Variants in ARHGAP29 observed in about 807,000 individuals in gnomAD.
ARHGAP29 encodes the protein rho GTPase-activating protein 29.
ARHGAP29 carries 43 observed loss-of-function variants against 122.6 expected under a neutral mutation model. The observed-to-expected ratio is 0.35, with a 90% CI of 0.27 to 0.45. ARHGAP29 has a LOEUF of 0.45. Among genes scored for constraint, ARHGAP29 ranks in the 20% least tolerant of loss-of-function variants. The probability of loss-of-function intolerance (pLI) is 1.00; values close to 1 mark genes in which losing one functional copy is unlikely to be tolerated. For missense variants in ARHGAP29, 1,303 were observed against 1,477.2 expected (o/e 0.88, Z 1.93); for synonymous variants, 506 against 497.1 (o/e 1.02, Z -0.24).
upstream of ARHGAP29, among the ~76,000 whole-genome samples, chr1:94,238,048 T>A (rs976109201): frequency 1.4e-5 from 2 of 146,604 alleles, no homozygotes; most frequent in East Asian, 2.0e-4. Context: ...CTTAGGCCTA[T>A]CTGTATTTTT....
Position 94,169,498 on chromosome 1 carries a change from G to T in ARHGAP29, c.*4371C>A, listed in dbSNP as rs1436055198. ...AGTCAGGTTTCTATGAGAGAAGGAA[G>T]TTACAAAGATGGAAAGGGAGACTAG... On this transcript the variant is annotated 3_prime_UTR_variant, in exon 23 of 23. Transcript: ENST00000260526. Among the ~76,000 whole-genome samples the T allele has an allele frequency of 6.6e-6, 1 of 152,092 alleles. No individual in the cohort carries two copies.
intron 6 of ARHGAP29, 71 bp downstream of exon 6, chr1:94,205,564 A>G: frequency 7.2e-7 from 1 of 1,386,688 alleles, no homozygotes; most frequent in South Asian, 1.2e-5. Context: ...GCAAGAAGAG[A>G]TTAATCCAGG....
chr1:94,189,439 ATTAAT>A (rs1269255618), intron 13 of ARHGAP29, 87 bp from the exon 14 acceptor site: 53 of 1,379,768 alleles, frequency 3.8e-5, no homozygotes, highest in Admixed American at 2.8e-4. Context: ...AGAAAAATCT[ATTAAT>A]TTAACAATCA....
intron 2 of ARHGAP29, among the ~76,000 whole-genome samples, chr1:94,227,696 G>C (rs1024968367): frequency 1.3e-5 from 2 of 151,678 alleles, no homozygotes; most frequent in African/African-American, 4.8e-5. Flanking sequence ...TGTCACAATG[G>C]CAGACTTTAA....
chr1:94,256,123 A>G (rs1654337150), intron 1 of ARHGAP29, among the ~76,000 whole-genome samples: 1 of 152,190 alleles, frequency 6.6e-6, no homozygotes, highest in East Asian at 1.9e-4. Flanking sequence ...TTACACTACA[A>G]GTTAATAGAA....
the ARHGAP29 span, among the ~76,000 whole-genome samples, chr1:94,283,315 G>C: frequency 5.3e-5 from 8 of 152,082 alleles, no homozygotes; most frequent in Admixed American, 3.9e-4. Flanking sequence ...GGGGTAACCT[G>C]GTTACCATGC....
chr1:94,181,846 A>C (rs1367135057), intron 19 of ARHGAP29, among the ~76,000 whole-genome samples: 1 of 152,254 alleles, frequency 6.6e-6, no homozygotes, highest in East Asian at 1.9e-4. Context: ...TGGCTGGTCT[A>C]AACTGAGATG....
At chr1:94,187,772 G>T (rs1311347100) in intron 15 of ARHGAP29, among the ~76,000 whole-genome samples, 1 of 152,106 alleles carries the variant, frequency 6.6e-6, no homozygotes, top group African/African-American at 2.4e-5. Context: ...GAGCTACCTA[G>T]AACCAGTTTG....
chr1:94,279,210 G>A (rs1368843863), upstream of ARHGAP29, among the ~76,000 whole-genome samples: 1 of 152,170 alleles, frequency 6.6e-6, no homozygotes, highest in Non-Finnish European at 1.5e-5. Context: ...CCTCCAGATG[G>A]TTAATCTCCA....
At chr1:94,218,430 T>A (rs1338956676) in intron 3 of ARHGAP29, among the ~76,000 whole-genome samples, 1 of 152,230 alleles carries the variant, frequency 6.6e-6, no homozygotes, top group Non-Finnish European at 1.5e-5. Context: ...CTTCAAGGTA[T>A]CTGAGAGAGC....
the ARHGAP29 span, among the ~76,000 whole-genome samples, chr1:94,281,070 A>G: frequency 1.3e-5 from 2 of 152,144 alleles, no homozygotes; most frequent in Non-Finnish European, 2.9e-5. Flanking sequence ...ATAAGTGACA[A>G]CTGTGTTCTG....
At chr1:94,257,301 C>A (rs1164095481) in intron 1 of ARHGAP29, among the ~76,000 whole-genome samples, 1 of 152,064 alleles carries the variant, frequency 6.6e-6, no homozygotes, top group African/African-American at 2.4e-5. Context: ...ACCCGGGAGG[C>A]TGAGGCAGGA....
intron 1 of ARHGAP29, among the ~76,000 whole-genome samples, chr1:94,258,162 A>G (rs1654431906): frequency 6.6e-6 from 1 of 152,188 alleles, no homozygotes; most frequent in African/African-American, 2.4e-5. Context: ...TAACATGACC[A>G]TTCCTAATTT....
rs114512647 is a variant in ARHGAP29, at chr1:94,172,792, T to C, written c.*1077A>G. 5.1e-3 allele frequency: 776 copies of C among 152,616 alleles called. 10 individuals carry two copies. Among genetic ancestry groups the C allele is most frequent in the African/African-American group, 0.018 (747 of 41,546 alleles). The allele number at this position is 152,616 out of a possible 1,614,324, so 9.5% of individuals were successfully genotyped here. ...TACTAGTCCTAAAAACTGGACCTTT[T>C]ATAAATGAAACAGATCCGATCACCT... On this transcript the variant is annotated 3_prime_UTR_variant, in exon 23 of 23. Transcript: ENST00000260526.
chr1:94,311,453 G>A, the ARHGAP29 span, among the ~76,000 whole-genome samples: 90 of 152,196 alleles, frequency 5.9e-4, no homozygotes, highest in Non-Finnish European at 1.1e-3. Context: ...CTGCACCAGA[G>A]GCTTGGATAG....
the ARHGAP29 span, among the ~76,000 whole-genome samples, chr1:94,281,726 A>G: frequency 4.6e-5 from 7 of 152,280 alleles, no homozygotes; most frequent in Admixed American, 1.3e-4. Context: ...GACCAGTTAC[A>G]TGAAGTTGGG....
chr1:94,210,039 T>C (rs911298319), intron 3 of ARHGAP29, among the ~76,000 whole-genome samples: 2 of 152,234 alleles, frequency 1.3e-5, no homozygotes, highest in African/African-American at 2.4e-5. Context: ...AAGCAAATTA[T>C]GAAACAAAAC....
intron 15 of ARHGAP29, 110 bp downstream of exon 15, chr1:94,188,727 C>A: frequency 1.2e-6 from 1 of 864,896 alleles, no homozygotes; most frequent in Non-Finnish European, 1.8e-6. Context: ...GTACACTTTC[C>A]TCTCTATTAT....
rs373614978 is a variant in ARHGAP29, at chr1:94,262,734, A to G, written c.-33+12278T>C. Among the ~76,000 whole-genome samples the G allele has an allele frequency of 1.8e-4, 28 of 152,340 alleles. No individual in the cohort carries two copies. In the South Asian group the frequency reaches 3.3e-3, roughly 18 times the overall value. ...CACACCAGTCAGAATGGCTATTACT[A>G]AAAAGTCAAAAAAATGACAGATGCT... On this transcript the variant is annotated intron_variant and NMD_transcript_variant, in intron 1 of 25. Coordinates refer to the ARHGAP29 transcript ENST00000552844.
Sources: gnomAD v4.1 joint callset for allele counts (sites outside exome capture counted in the v4.1 genomes callset) on GRCh38, gnomAD v4.1.1 for gene constraint, MANE v1.5 for transcripts, NCBI Gene and HGNC (gene_info 2026-07-23, HGNC 2026-07-21) for gene names.